Variants in YAF2 observed in about 807,000 individuals in gnomAD.
The protein encoded by YAF2 is YY1-associated factor 2.
Under a neutral mutation model 20.1 loss-of-function variants are expected in YAF2, and 7 were observed. The observed-to-expected ratio is 0.35, with a 90% CI of 0.20 to 0.65. The LOEUF (loss-of-function observed/expected upper bound fraction) is 0.65. Among genes scored for constraint, YAF2 ranks in the 30% least tolerant of loss-of-function variants. The pLI is 0.69. For synonymous variants in YAF2, 74 were observed against 76.0 expected (o/e 0.97, Z 0.14); for missense variants, 151 against 219.2 (o/e 0.69, Z 1.96).
In YAF2 at chr12:42,238,135, C is replaced by G; in HGVS notation, c.26+20G>C. 2 of 1,534,080 alleles carry G rather than the reference C, an allele frequency of 1.3e-6. No homozygotes were observed. Among genetic ancestry groups the G allele is most frequent in the East Asian group, 2.7e-5 (1 of 37,014 alleles). The stretch of plus-strand genomic sequence containing the variant: ...CCTGCCGCCCGCACAGTCCGGGCCC[C>G]GGGGCCCGGGCGCTGTTACCTGGTG... On this transcript the variant is annotated intron_variant, in intron 1 of 3. Transcript: ENST00000534854.
intron 2 of YAF2, among the ~76,000 whole-genome samples, chr12:42,213,209 C>T (rs921667308): frequency 1.3e-5 from 2 of 152,202 alleles, no homozygotes; most frequent in African/African-American, 2.4e-5. Context: ...TAGCAATAAA[C>T]TGATGTCTCT....
At chr12:42,176,300 A>C (rs1592174348) in intron 2 of YAF2, among the ~76,000 whole-genome samples, 1 of 151,730 alleles carries the variant, frequency 6.6e-6, no homozygotes, top group Non-Finnish European at 1.5e-5. Flanking sequence ...TTTGTATTTT[A>C]AATAGAGATG....
At chr12:42,188,258 G>T (rs957434643) in intron 2 of YAF2, among the ~76,000 whole-genome samples, 1 of 151,884 alleles carries the variant, frequency 6.6e-6, no homozygotes, top group Admixed American at 6.6e-5. Flanking sequence ...CTAATCAAAT[G>T]AATAGAATAA....
At chr12:42,187,717 T>A (rs956478518) in intron 2 of YAF2, among the ~76,000 whole-genome samples, 1 of 152,194 alleles carries the variant, frequency 6.6e-6, no homozygotes, top group African/African-American at 2.4e-5. Context: ...CAAATAAGTA[T>A]TAATAAATAA....
chr12:42,168,811 A>G (rs1427603522), intron 2 of YAF2, among the ~76,000 whole-genome samples: 1 of 152,060 alleles, frequency 6.6e-6, no homozygotes, highest in Non-Finnish European at 1.5e-5. Flanking sequence ...CTGCCTAAAT[A>G]TTTTTTAAAA....
At chr12:42,235,060 GAA>G (rs2137445696) in intron 2 of YAF2, 4 of 985,496 alleles carry the variant, frequency 4.1e-6, no homozygotes, top group African/African-American at 1.7e-5. Context: ...GGTCTAAAAA[GAA>G]AAAAGTTTTT....
At chr12:42,234,882 G>T in intron 2 of YAF2, 1 of 738,984 alleles carries the variant, frequency 1.4e-6, no homozygotes, top group Non-Finnish European at 1.7e-6. Context: ...CAGCTACTTG[G>T]GAGGCTGAGG....
intron 2 of YAF2, chr12:42,234,021 A>T (rs1399731901): frequency 4.2e-6 from 3 of 717,826 alleles, no homozygotes; most frequent in Non-Finnish European, 5.1e-6. Flanking sequence ...AAATACAAAA[A>T]TTAGCCTGGT....
intron 2 of YAF2, among the ~76,000 whole-genome samples, chr12:42,162,690 T>C (rs2065825021): frequency 6.6e-6 from 1 of 152,208 alleles, no homozygotes; most frequent in African/African-American, 2.4e-5. Context: ...TTTTTTCTCC[T>C]GTTCCTCTAT....
At chr12:42,226,614 T>C (rs189158576) in intron 2 of YAF2, among the ~76,000 whole-genome samples, 2 of 152,062 alleles carry the variant, frequency 1.3e-5, no homozygotes, top group African/African-American at 2.4e-5. Context: ...CAGTAAGCTA[T>C]ATCCACACCA....
At chr12:42,214,576 C>T (rs2067301759) in intron 2 of YAF2, among the ~76,000 whole-genome samples, 1 of 152,080 alleles carries the variant, frequency 6.6e-6, no homozygotes, top group South Asian at 2.1e-4. Flanking sequence ...CCGGCCTCCT[C>T]TTATCCTTCT....
intron 2 of YAF2, among the ~76,000 whole-genome samples, chr12:42,179,588 G>C (rs528848658): frequency 6.6e-6 from 1 of 151,996 alleles, no homozygotes; most frequent in Non-Finnish European, 1.5e-5. Context: ...TCAGGAGTTT[G>C]AGACCAGCCT....
rs77645443 is a variant in YAF2, at chr12:42,177,825, A to G, written c.153-16060T>C. ...TTACTGTATATGAATGCCAGACCAT[A>G]ATTGTAGGAGAAGTCTTTCTTAATC... On this transcript the variant is annotated intron_variant, in intron 2 of 3. Coordinates refer to ENST00000534854, the MANE Select transcript of YAF2 (RefSeq NM_005748.6). 6.2e-3 allele frequency among the ~76,000 whole-genome samples: 946 copies of G among 152,244 alleles called. 7 individuals are homozygous for G. Among genetic ancestry groups the G allele is most frequent in the African/African-American group, 0.021 (892 of 41,548 alleles).
intron 2 of YAF2, among the ~76,000 whole-genome samples, chr12:42,226,997 G>T (rs9669083): frequency 0.35 from 50,769 of 146,632 alleles, 9,067 homozygotes; most frequent in South Asian, 0.48. Flanking sequence ...GGACAGTCGC[G>T]GCGCTGACGC....
At chr12:42,166,502 T>C (rs769630995) in intron 2 of YAF2, among the ~76,000 whole-genome samples, 15 of 152,264 alleles carry the variant, frequency 9.9e-5, no homozygotes, top group East Asian at 1.9e-4. Flanking sequence ...AAGTTCTTTT[T>C]GCAAAATATT....
chr12:42,162,295 C>T (rs1027216519), intron 2 of YAF2, among the ~76,000 whole-genome samples: 1 of 152,152 alleles, frequency 6.6e-6, no homozygotes, highest in Non-Finnish European at 1.5e-5. Context: ...ACAATCTCAC[C>T]ATGCTCTTTT....
intron 2 of YAF2, among the ~76,000 whole-genome samples, chr12:42,236,818 C>CT (rs1172119384): frequency 2.6e-5 from 4 of 152,278 alleles, no homozygotes; most frequent in Middle Eastern, 3.4e-3. Flanking sequence ...AGCTCGATAA[C>CT]TAAGTGCTGA....
At chr12:42,226,438 G>A (rs898825301) in intron 2 of YAF2, among the ~76,000 whole-genome samples, 2 of 152,152 alleles carry the variant, frequency 1.3e-5, no homozygotes, top group South Asian at 2.1e-4. Flanking sequence ...AAGGTGAGAG[G>A]ATTGCTTTGG....
rs551309511 is a variant in YAF2 at position 42,232,817 on chromosome 12, G to T, written c.152+4782C>A. 4 of 985,308 alleles carry T rather than the reference G, an allele frequency of 4.1e-6. No homozygotes were observed. In the Admixed American group the frequency reaches 2.5e-4, roughly 61 times the overall value. The allele number at this position is 985,308 out of a possible 1,614,324, so 61.0% of individuals were successfully genotyped here. ...ATTTTATAGCTTACTTTTAAAAGAA[G>T]CTGAAATAACTCACTCTTTTTACCT... On this transcript the variant is annotated intron_variant, in intron 2 of 3. Transcript: ENST00000534854.
Sources: gnomAD v4.1 joint callset for allele counts (sites outside exome capture counted in the v4.1 genomes callset) on GRCh38, gnomAD v4.1.1 for gene constraint, MANE v1.5 for transcripts, NCBI Gene and HGNC (gene_info 2026-07-23, HGNC 2026-07-21) for gene names.